The following MB21D2 variants were observed in gnomAD, a reference collection of about 807,000 sequenced individuals.
The protein encoded by MB21D2 is nucleotidyltransferase MB21D2.
In MB21D2, 9 loss-of-function variants were observed where a neutral mutation model predicts 33.3. The observed-to-expected ratio is 0.27, with a 90% CI of 0.16 to 0.47. The LOEUF (loss-of-function observed/expected upper bound fraction) is 0.47. MB21D2 is among the 20% of genes least tolerant of loss of function. The probability of loss-of-function intolerance (pLI) is 0.99; values close to 1 mark genes in which losing one functional copy is unlikely to be tolerated. For missense variants in MB21D2, 540 were observed against 624.6 expected (o/e 0.86, Z 1.44); for synonymous variants, 241 against 236.3 (o/e 1.02, Z -0.18).
intron 1 of MB21D2, among the ~76,000 whole-genome samples, chr3:192,864,600 G>A (rs533693449): frequency 1.3e-5 from 2 of 152,256 alleles, no homozygotes; most frequent in African/African-American, 4.8e-5. Context: ...TCGGCCTCCT[G>A]GGTTCAAGCG....
rs1712233072 is a variant in MB21D2 at position 192,828,593 on chromosome 3, TATATATATATATATA to T, written c.212-28958_212-28944del. On this transcript the variant is annotated intron_variant, in intron 1 of 1. Transcript: ENST00000392452. ...TATACAATAAAACTCACCCCCCCCA[TATATATATATATATA>T]TATATATATATATATATATATATAT... is the stretch of plus-strand genomic sequence containing the variant. Among the ~76,000 whole-genome samples the T allele has an allele frequency of 2.1e-3, 29 of 13,698 alleles. 2 individuals carry two copies. The highest frequency in any genetic ancestry group is 9.0e-3 in the East Asian group (2 of 222). The allele number at this position is 13,698 out of a possible 152,430, so 9.0% of individuals were successfully genotyped here. A position where few individuals can be genotyped will look rare whatever the true frequency, so the allele number is the denominator to read the frequency against.
At chr3:192,810,336 G>A (rs1032009381) in intron 1 of MB21D2, among the ~76,000 whole-genome samples, 41 of 152,156 alleles carry the variant, frequency 2.7e-4, no homozygotes, top group Admixed American at 5.9e-4. Flanking sequence ...ACCTTGAATC[G>A]GTGATCTACA....
At chr3:192,887,257 T>C (rs1331697425) in intron 1 of MB21D2, among the ~76,000 whole-genome samples, 1 of 152,056 alleles carries the variant, frequency 6.6e-6, no homozygotes, top group Non-Finnish European at 1.5e-5. Flanking sequence ...AGCAACCCTC[T>C]TACCTCAGCC....
intron 1 of MB21D2, among the ~76,000 whole-genome samples, chr3:192,888,206 ACTTAAAT>A (rs1200030156): frequency 6.6e-6 from 1 of 152,018 alleles, no homozygotes; most frequent in East Asian, 1.9e-4. Flanking sequence ...CCAGCCTTAC[ACTTAAAT>A]CTGAACTCCT....
At chr3:192,818,880 A>G (rs1226081120) in intron 1 of MB21D2, among the ~76,000 whole-genome samples, 1 of 152,206 alleles carries the variant, frequency 6.6e-6, no homozygotes, top group African/African-American at 2.4e-5. Context: ...TAGAAGGCCA[A>G]CTGCTGGTCT....
intron 1 of MB21D2, among the ~76,000 whole-genome samples, chr3:192,808,977 A>T (rs1711725553): frequency 6.6e-6 from 1 of 152,282 alleles, no homozygotes; most frequent in Non-Finnish European, 1.5e-5. Flanking sequence ...TCTCATGACA[A>T]GGACTCTCTG....
At chr3:192,852,516 G>GA (rs1188943746) in intron 1 of MB21D2, among the ~76,000 whole-genome samples, 3 of 152,190 alleles carry the variant, frequency 2.0e-5, no homozygotes, top group African/African-American at 7.2e-5. Context: ...TTAAACGGGG[G>GA]AAAAACAGAA....
chr3:192,891,152 C>T (rs1290694165), intron 1 of MB21D2, among the ~76,000 whole-genome samples: 1 of 152,122 alleles, frequency 6.6e-6, no homozygotes, highest in East Asian at 1.9e-4. Context: ...TTATCTCAAA[C>T]AGGTAGGTGT....
At position 192,821,439 on chromosome 3, in the gene MB21D2, C is replaced by T. The variant is rs149238114; in HGVS notation, c.212-21789G>A. On this transcript the variant is annotated intron_variant, in intron 1 of 1. Coordinates refer to ENST00000392452, the MANE Select transcript of MB21D2 (RefSeq NM_178496.4). ...CAACTTCGCTATTGCCCTGGGAGACCGCAGAGCACCTGCAGCTTTCAAACA... is the reference window on the plus strand; with the variant it reads ...CAACTTCGCTATTGCCCTGGGAGACTGCAGAGCACCTGCAGCTTTCAAACA... Among the ~76,000 whole-genome samples the T allele has an allele frequency of 5.9e-5, 9 of 152,216 alleles. No homozygotes were observed. In the East Asian group the frequency reaches 1.2e-3, roughly 20 times the overall value.
intron 1 of MB21D2, among the ~76,000 whole-genome samples, chr3:192,830,950 G>A (rs1479589618): frequency 6.6e-6 from 1 of 152,152 alleles, no homozygotes; most frequent in Non-Finnish European, 1.5e-5. Flanking sequence ...AGCTAATAAG[G>A]ACAAAACTAT....
intron 1 of MB21D2, among the ~76,000 whole-genome samples, chr3:192,873,891 A>G (rs28583937): frequency 0.61 from 92,933 of 151,936 alleles, 30,309 homozygotes; most frequent in African/African-American, 0.84. Flanking sequence ...TAGTAGAGAC[A>G]GGGTTTCACC....
chr3:192,879,039 G>T (rs1040445270), intron 1 of MB21D2, among the ~76,000 whole-genome samples: 8 of 152,102 alleles, frequency 5.3e-5, no homozygotes, highest in Admixed American at 3.9e-4. Context: ...TCCTCAAAAA[G>T]AAAAAGACAG....
intron 1 of MB21D2, among the ~76,000 whole-genome samples, chr3:192,833,721 G>C (rs1249481718): frequency 6.6e-6 from 1 of 152,180 alleles, no homozygotes; most frequent in Non-Finnish European, 1.5e-5. Flanking sequence ...TGTCTCAAAA[G>C]GACATGACTA....
At chr3:192,846,527 C>A (rs542373491) in intron 1 of MB21D2, among the ~76,000 whole-genome samples, 1 of 152,166 alleles carries the variant, frequency 6.6e-6, no homozygotes, top group Non-Finnish European at 1.5e-5. Flanking sequence ...CAAATCCACC[C>A]CACAGGGTCA....
At chr3:192,842,464 AT>A (rs1168759318) in intron 1 of MB21D2, among the ~76,000 whole-genome samples, 1 of 152,240 alleles carries the variant, frequency 6.6e-6, no homozygotes, top group Non-Finnish European at 1.5e-5. Context: ...AATGCCATAA[AT>A]ATTGTAGACG....
At chr3:192,852,698 C>CA (rs964193368) in intron 1 of MB21D2, among the ~76,000 whole-genome samples, 1 of 152,150 alleles carries the variant, frequency 6.6e-6, no homozygotes, top group African/African-American at 2.4e-5. Context: ...GTATGGCTAA[C>CA]ATAATTGAGA....
intron 1 of MB21D2, among the ~76,000 whole-genome samples, chr3:192,849,334 T>TGGGGGGGGGGGG (rs1712741972): frequency 1.3e-5 from 1 of 76,798 alleles, no homozygotes; most frequent in Non-Finnish European, 2.6e-5. Flanking sequence ...GGGCGGGGGG[T>TGGGGGGGGGGGG]GGGGGTGGAG....
chr3:192,810,930 T>C (rs1711776578), intron 1 of MB21D2, among the ~76,000 whole-genome samples: 1 of 152,238 alleles, frequency 6.6e-6, no homozygotes, highest in Admixed American at 6.5e-5. Flanking sequence ...ACTTTGTTGA[T>C]ATCCTGCCCT....
intron 1 of MB21D2, among the ~76,000 whole-genome samples, chr3:192,802,128 T>C (rs574067809): frequency 6.6e-6 from 1 of 152,316 alleles, no homozygotes; most frequent in East Asian, 1.9e-4. Context: ...CAAAGGGCTG[T>C]CTTAGCCAGG....
Sources: gnomAD v4.1 joint callset for allele counts (sites outside exome capture counted in the v4.1 genomes callset) on GRCh38, gnomAD v4.1.1 for gene constraint, MANE v1.5 for transcripts, NCBI Gene and HGNC (gene_info 2026-07-23, HGNC 2026-07-21) for gene names.